Variants in NUP160 observed in about 807,000 individuals in gnomAD.
NUP160 encodes the protein nuclear pore complex protein Nup160.
Under a neutral mutation model 196.9 loss-of-function variants are expected in NUP160, and 94 were observed. That is an observed-to-expected ratio of 0.48 (90% CI 0.40 to 0.57). NUP160 has a LOEUF of 0.57. Ranked by LOEUF, NUP160 falls within the 20% of genes least tolerant of loss-of-function variation. The pLI, the probability that NUP160 is intolerant of heterozygous loss-of-function variation, is 0.00. For missense variants in NUP160, 1,638 were observed against 1,748.3 expected, an observed-to-expected ratio of 0.94 and a Z score of 1.13; for synonymous variants, 605 against 619.7, an observed-to-expected ratio of 0.98 and a Z score of 0.35.
At chr11:47,838,763 T>C (rs1384345789) in intron 4 of NUP160, among the ~76,000 whole-genome samples, 1 of 151,598 alleles carries the variant, frequency 6.6e-6, no homozygotes, top group Non-Finnish European at 1.5e-5. Context: ...CCCAACACTT[T>C]GGGAGGCTGA....
intron 10 of NUP160, among the ~76,000 whole-genome samples, chr11:47,819,169 T>G (rs184731811): frequency 3.5e-3 from 538 of 151,874 alleles, no homozygotes; most frequent in Middle Eastern, 6.8e-3. Flanking sequence ...AAAAATTAGC[T>G]GGGTGTGGTG....
intron 7 of NUP160, among the ~76,000 whole-genome samples, chr11:47,833,064 T>C (rs1051434176): frequency 6.6e-6 from 1 of 152,208 alleles, no homozygotes; most frequent in Non-Finnish European, 1.5e-5. Flanking sequence ...TAAAGTTGAC[T>C]ATGGTAATGG....
At chr11:47,848,184 A>G in intron 1 of NUP160, 35 bp downstream of exon 1, 1 of 1,609,348 alleles carries the variant, frequency 6.2e-7, no homozygotes, top group East Asian at 2.2e-5. Flanking sequence ...CCGAGGGGAC[A>G]GATGGGATCG....
intron 7 of NUP160, among the ~76,000 whole-genome samples, chr11:47,835,005 C>T (rs1054836725): frequency 1.3e-5 from 2 of 151,950 alleles, no homozygotes; most frequent in Non-Finnish European, 2.9e-5. Flanking sequence ...GAGATCCCAA[C>T]AGAAGTGAGA....
At chr11:47,826,586 A>G (rs1851972822) in intron 7 of NUP160, among the ~76,000 whole-genome samples, 2 of 142,482 alleles carry the variant, frequency 1.4e-5, no homozygotes, top group Non-Finnish European at 3.0e-5. Flanking sequence ...TTTTTGAGAC[A>G]GAGTCTCTCT....
intron 32 of NUP160, among the ~76,000 whole-genome samples, chr11:47,785,555 T>C (rs2135343158): frequency 6.6e-6 from 1 of 152,358 alleles, no homozygotes; most frequent in South Asian, 2.1e-4. Flanking sequence ...GGTTCGTATA[T>C]TCCTCTCCCA....
chr11:47,799,084 A>G (rs2097672636), intron 23 of NUP160, among the ~76,000 whole-genome samples: 6 of 151,986 alleles, frequency 3.9e-5, no homozygotes, highest in Admixed American at 3.9e-4. Context: ...TTACTAAATG[A>G]CTGACATAAT....
chr11:47,841,023 C>CAA (rs2135403603), intron 2 of NUP160, among the ~76,000 whole-genome samples: 1 of 152,050 alleles, frequency 6.6e-6, no homozygotes, highest in Non-Finnish European at 1.5e-5. Flanking sequence ...CATATACACA[C>CAA]ACACACACAG....
intron 35 of NUP160, 121 bp downstream of exon 35, chr11:47,780,222 A>G (rs1190279640): frequency 1.5e-6 from 1 of 686,622 alleles, no homozygotes; most frequent in Non-Finnish European, 2.6e-6. Flanking sequence ...GCAGTTTGTT[A>G]AGGGCCAAAA....
At position 47,797,762 on chromosome 11, in the gene NUP160, C is replaced by CTGGTTACA. The variant is rs1307744139; in HGVS notation, c.3289+9_3289+16dup. On this transcript the variant is annotated intron_variant, in intron 27 of 35. Transcript: ENST00000378460. ...AATAAGGCTGTCTGCAAGATACTGT[C>CTGGTTACA]TGGTTACATTGCTCACCCTTGCGGT... 1.9e-6 allele frequency: 3 copies of CTGGTTACA among 1,548,044 alleles called. No homozygotes were observed. In the African/African-American group the frequency reaches 4.1e-5, roughly 21 times the overall value.
intron 11 of NUP160, 127 bp downstream of exon 11, chr11:47,817,929 C>A: frequency 1.8e-6 from 1 of 543,992 alleles, no homozygotes; most frequent in Non-Finnish European, 3.3e-6. Context: ...AAAGTATTTA[C>A]AAACACACAT....
intron 22 of NUP160, 40 bp downstream of exon 22, chr11:47,803,398 A>G: frequency 1.4e-5 from 18 of 1,245,116 alleles, no homozygotes; most frequent in Non-Finnish European, 2.0e-5. Context: ...TCCTTGCGTT[A>G]AAGTTTATAA....
chr11:47,792,994 T>C (rs748536936), intron 27 of NUP160, 48 bp from the exon 28 acceptor site: 1 of 1,559,062 alleles, frequency 6.4e-7, no homozygotes, highest in South Asian at 1.2e-5. Flanking sequence ...AATTTTTTTT[T>C]CTTTTTTTTG....
At chr11:47,820,670 G>T (rs1226002038) in intron 9 of NUP160, among the ~76,000 whole-genome samples, 1 of 152,086 alleles carries the variant, frequency 6.6e-6, no homozygotes, top group African/African-American at 2.4e-5. Context: ...TCCTGCCTCA[G>T]CCTCCTGAGT....
intron 2 of NUP160, among the ~76,000 whole-genome samples, chr11:47,842,735 A>G (rs1852329830): frequency 6.6e-6 from 1 of 152,200 alleles, no homozygotes; most frequent in Non-Finnish European, 1.5e-5. Flanking sequence ...CATGCCTATG[A>G]TCCCAGCATT....
At chr11:47,815,479 T>A (rs752676491) in exon 13 of NUP160, 1 of 1,588,904 alleles carries the variant, frequency 6.3e-7, no homozygotes, top group South Asian at 1.2e-5. Context: ...GCTCACTTAC[T>A]TTTTTCAGCA....
At chr11:47,815,850 G>T in intron 12 of NUP160, 96 bp downstream of exon 12, 1 of 1,063,516 alleles carries the variant, frequency 9.4e-7, no homozygotes, top group Non-Finnish European at 1.4e-6. Flanking sequence ...CAACAAACAA[G>T]GTCAAGTGAA....
In NUP160 at chr11:47,813,413, C is replaced by T. The variant is rs772367904; in HGVS notation, c.1689G>A (p.Gly563=). The change falls in exon 14 of 36, where the codon GGG becomes GGA. Residue 563 remains glycine, a splice_region_variant and synonymous_variant. Coordinates refer to ENST00000378460, the Ensembl canonical transcript of NUP160. ...ATGAGGGAATAAGGAAAGACAGGTACCCCTGGAAATACAAATTTTCCAGTT... is the reference window on the plus strand; with the variant it reads ...ATGAGGGAATAAGGAAAGACAGGTATCCCTGGAAATACAAATTTTCCAGTT... The T allele has an allele frequency of 1.9e-6, 3 of 1,597,060 alleles. No individual in the cohort carries two copies. In the South Asian group the frequency reaches 3.3e-5, roughly 18 times the overall value.
intron 7 of NUP160, among the ~76,000 whole-genome samples, chr11:47,827,429 C>T (rs941009696): frequency 6.6e-6 from 1 of 151,712 alleles, no homozygotes; most frequent in African/African-American, 2.4e-5. Flanking sequence ...AAATTCACAG[C>T]TAGCATTATA....
Sources: allele counts gnomAD v4.1 joint callset (sites outside exome capture counted in the v4.1 genomes callset), GRCh38; gene constraint gnomAD v4.1.1; transcripts MANE v1.5; gene names NCBI Gene and HGNC (gene_info 2026-07-23, HGNC 2026-07-21).